The following CERS6 variants were observed in gnomAD, a reference collection of about 807,000 sequenced individuals.
CERS6 encodes the protein ceramide synthase 6.
In CERS6, 26 loss-of-function variants were observed where a neutral mutation model predicts 56.8. That is an observed-to-expected ratio of 0.46 (90% CI 0.34 to 0.63). The LOEUF is 0.63. Ranked by LOEUF, CERS6 falls within the 30% of genes least tolerant of loss-of-function variation. The pLI is 0.01. For synonymous variants in CERS6, 164 were observed against 173.3 expected, an observed-to-expected ratio of 0.95 and a Z score of 0.42; for missense variants, 415 against 467.5, an observed-to-expected ratio of 0.89 and a Z score of 1.04.
At chr2:168,670,966 T>TCC (rs35335379) in intron 4 of CERS6, among the ~76,000 whole-genome samples, 305 of 30,448 alleles carry the variant, frequency 0.01, 65 homozygotes, top group East Asian at 0.024. Context: ...GATACATGCT[T>TCC]CCCCCCCCCC....
chr2:168,667,358 T>C (rs1685789055), intron 4 of CERS6, among the ~76,000 whole-genome samples: 1 of 152,078 alleles, frequency 6.6e-6, no homozygotes, highest in Non-Finnish European at 1.5e-5. Context: ...CTTAGAGAGG[T>C]TTCCTGTAGT....
At chr2:168,629,764 A>G (rs1298207531) in intron 3 of CERS6, among the ~76,000 whole-genome samples, 1 of 152,164 alleles carries the variant, frequency 6.6e-6, no homozygotes, top group Non-Finnish European at 1.5e-5. Context: ...ACTCTCACCC[A>G]TAACCATTGA....
chr2:168,538,723 A>G (rs931833217), intron 1 of CERS6, among the ~76,000 whole-genome samples: 17 of 152,224 alleles, frequency 1.1e-4, no homozygotes, highest in African/African-American at 4.1e-4. Flanking sequence ...GGGCTGATAC[A>G]TAATAGATGC....
intron 3 of CERS6, among the ~76,000 whole-genome samples, chr2:168,624,927 A>G (rs1684555963): frequency 6.6e-6 from 1 of 152,190 alleles, no homozygotes; most frequent in African/African-American, 2.4e-5. Context: ...AAGTAACACT[A>G]GATTGAAGTC....
intron 3 of CERS6, among the ~76,000 whole-genome samples, chr2:168,625,019 G>A (rs377744241): frequency 2.7e-4 from 41 of 152,118 alleles, no homozygotes; most frequent in East Asian, 5.8e-4. Flanking sequence ...GAGATACAGC[G>A]CAGTGATTTA....
intron 1 of CERS6, among the ~76,000 whole-genome samples, chr2:168,532,976 T>A (rs552236251): frequency 6.6e-6 from 1 of 152,328 alleles, no homozygotes; most frequent in East Asian, 1.9e-4. Context: ...ACCTTTAAAA[T>A]AAATATAAAG....
At position 168,643,166 on chromosome 2, in the gene CERS6, C is replaced by T. The variant is rs190338169; in HGVS notation, c.465+12124C>T. Among the ~76,000 whole-genome samples the T allele has an allele frequency of 4.8e-3, 724 of 152,282 alleles. 3 individuals carry two copies. The highest frequency in any genetic ancestry group is 8.6e-3 in the Non-Finnish European group (586 of 68,032). On this transcript the variant is annotated intron_variant, in intron 4 of 9. Transcript: ENST00000305747. ...ACTTTGTTCCTCCTAATCACAGCCC[C>T]TTCCATCCTCACCTCAATTTTTACT...
chr2:168,620,197 A>G (rs931154483), intron 3 of CERS6, among the ~76,000 whole-genome samples: 2 of 152,058 alleles, frequency 1.3e-5, no homozygotes, highest in African/African-American at 4.8e-5. Context: ...CAAACATCGT[A>G]TGTTCTAACT....
chr2:168,478,381 T>G (rs1694117298), intron 1 of CERS6, among the ~76,000 whole-genome samples: 1 of 152,176 alleles, frequency 6.6e-6, no homozygotes, highest in Non-Finnish European at 1.5e-5. Flanking sequence ...GGACCCAATC[T>G]GGAGGTGTTC....
chr2:168,656,255 C>T (rs1685465986), intron 4 of CERS6, among the ~76,000 whole-genome samples: 1 of 152,182 alleles, frequency 6.6e-6, no homozygotes, highest in Non-Finnish European at 1.5e-5. Context: ...TAAACCTTGT[C>T]AGAAAGCAAG....
intron 8 of CERS6, among the ~76,000 whole-genome samples, chr2:168,728,585 C>T (rs1683419660): frequency 6.6e-6 from 1 of 150,680 alleles, no homozygotes; most frequent in African/African-American, 2.4e-5. Context: ...TGGGGTTTCA[C>T]CAGGCTGACC....
In CERS6 at chr2:168,661,891, C is replaced by T. The variant is rs116273022; in HGVS notation, c.466-29143C>T. 3.9e-3 allele frequency among the ~76,000 whole-genome samples: 601 copies of T among 152,306 alleles called. 3 individuals carry two copies. Among genetic ancestry groups the T allele is most frequent in the African/African-American group, 0.013 (545 of 41,558 alleles). On this transcript the variant is annotated intron_variant, in intron 4 of 9. Transcript: ENST00000305747. ...CACTGGTAGTGCATTTTGATAGAAA[C>T]GATTCTTTCTTGTATTGCTAAGAGT...
chr2:168,597,372 A>G (rs1683826095), intron 3 of CERS6, among the ~76,000 whole-genome samples: 1 of 152,204 alleles, frequency 6.6e-6, no homozygotes, highest in African/African-American at 2.4e-5. Context: ...TTTCCCCTGC[A>G]CACTCTCATT....
At chr2:168,692,015 A>G (rs886663734) in intron 5 of CERS6, among the ~76,000 whole-genome samples, 6 of 152,170 alleles carry the variant, frequency 3.9e-5, no homozygotes, top group African/African-American at 1.4e-4. Context: ...GTCATGGCAG[A>G]GGGTGGGGAC....
rs537004758 is a variant in CERS6 at position 168,463,770 on chromosome 2, G to T, written c.170+7152G>T. 4.6e-5 allele frequency among the ~76,000 whole-genome samples: 7 copies of T among 152,170 alleles called. No individual in the cohort carries two copies. In the South Asian group the frequency reaches 1.5e-3, roughly 32 times the overall value. ...AAAAAAATACAAAAATTAACTAGGT[G>T]TGGTGTTGCTCACCTGTAGTCCTAG... On this transcript the variant is annotated intron_variant, in intron 1 of 9. Transcript: ENST00000305747.
chr2:168,471,652 G>A (rs1478382119), intron 1 of CERS6, among the ~76,000 whole-genome samples: 1 of 152,220 alleles, frequency 6.6e-6, no homozygotes, highest in East Asian at 1.9e-4. Flanking sequence ...CTGGGTAGCC[G>A]CTCTCTCCGT....
In CERS6 at chr2:168,760,910, C is replaced by T. The variant is rs995508697; in HGVS notation, c.846-4682C>T. On this transcript the variant is annotated intron_variant, in intron 8 of 9. Coordinates refer to ENST00000305747, the MANE Select transcript of CERS6 (RefSeq NM_203463.3). ...AGCTGGGACTACAGGCGCCCGCCAC[C>T]ACGCCCGGCTAATTTTTTGTGTGTT... 3.3e-5 allele frequency among the ~76,000 whole-genome samples: 5 copies of T among 152,126 alleles called. No homozygotes were observed. In the South Asian group the frequency reaches 6.2e-4, roughly 19 times the overall value.
rs1160024194 is a variant in CERS6 at position 168,620,014 on chromosome 2, TACACACACACACACACACACAC to T, written c.408-10943_408-10922del. On this transcript the variant is annotated intron_variant, in intron 3 of 9. Transcript: ENST00000305747. ...GCATTTGGGCTGGTTCCACAATCCA[TACACACACACACACACACACAC>T]ACACACACACACACACACACACACA... Among the ~76,000 whole-genome samples the T allele has an allele frequency of 6.8e-3, 417 of 61,262 alleles. 3 individuals are homozygous for T. The highest frequency in any genetic ancestry group is 0.017 in the African/African-American group (399 of 23,086). The allele number at this position is 61,262 out of a possible 152,430, so 40.2% of individuals were successfully genotyped here.
rs1684596593 is a variant in CERS6, at chr2:168,626,592, C to T, written c.408-4393C>T. On this transcript the variant is annotated intron_variant, in intron 3 of 9. Coordinates refer to ENST00000305747, the MANE Select transcript of CERS6 (RefSeq NM_203463.3). Reference sequence around the variant, plus strand: ...TTTCAGGTTTGAAAGATATAAAAGCCTTCCATATCCAAGCAAATGTAGTGG... The same window carrying T: ...TTTCAGGTTTGAAAGATATAAAAGCTTTCCATATCCAAGCAAATGTAGTGG... 2.0e-5 allele frequency among the ~76,000 whole-genome samples: 3 copies of T among 152,178 alleles called. No homozygotes were observed. The South Asian group carries it at 6.2e-4, about 31-fold the overall frequency.
Sources: gnomAD v4.1 joint callset for allele counts (sites outside exome capture counted in the v4.1 genomes callset) on GRCh38, gnomAD v4.1.1 for gene constraint, MANE v1.5 for transcripts, NCBI Gene and HGNC (gene_info 2026-07-23, HGNC 2026-07-21) for gene names.